The following CDH8 variants were observed in gnomAD, a reference collection of about 807,000 sequenced individuals.
CDH8 encodes cadherin 8.
Under a neutral mutation model 68.1 loss-of-function variants are expected in CDH8, and 17 were observed. The observed-to-expected ratio is 0.25, with a 90% CI of 0.17 to 0.37. CDH8 has a LOEUF of 0.37. CDH8 is among the 10% of genes least tolerant of loss of function. CDH8 has a pLI of 1.00. For missense variants in CDH8, 763 were observed against 999.3 expected, an observed-to-expected ratio of 0.76 and a Z score of 3.19; for synonymous variants, 372 against 365.1, an observed-to-expected ratio of 1.02 and a Z score of -0.21.
chr16:61,751,202 G>A (rs1649084394), intron 8 of CDH8, among the ~76,000 whole-genome samples: 1 of 151,590 alleles, frequency 6.6e-6, no homozygotes, highest in East Asian at 1.9e-4. Context: ...AAATTCATGT[G>A]TGCCTAACTC....
intron 3 of CDH8, among the ~76,000 whole-genome samples, chr16:61,895,752 T>A (rs1288074362): frequency 6.6e-6 from 1 of 152,190 alleles, no homozygotes; most frequent in Non-Finnish European, 1.5e-5. Context: ...ACCCATGTAT[T>A]CGTATTACAC....
At chr16:61,988,542 C>A (rs1345019730) in intron 2 of CDH8, among the ~76,000 whole-genome samples, 1 of 152,116 alleles carries the variant, frequency 6.6e-6, no homozygotes, top group Non-Finnish European at 1.5e-5. Flanking sequence ...CTTCTCAGGG[C>A]CAGTCTCCAT....
At chr16:61,808,200 A>C (rs1961842060) in intron 7 of CDH8, among the ~76,000 whole-genome samples, 1 of 152,184 alleles carries the variant, frequency 6.6e-6, no homozygotes, top group Non-Finnish European at 1.5e-5. Context: ...TTCTTCATCC[A>C]TTTTGGTAGA....
intron 4 of CDH8, among the ~76,000 whole-genome samples, chr16:61,829,935 A>T (rs1346949100): frequency 6.6e-6 from 1 of 151,804 alleles, no homozygotes; most frequent in Non-Finnish European, 1.5e-5. Context: ...ATTGTCCTGG[A>T]TCCTCTTATT....
chr16:61,760,023 AC>A (rs1422504834), intron 8 of CDH8, among the ~76,000 whole-genome samples: 1 of 151,316 alleles, frequency 6.6e-6, no homozygotes, highest in East Asian at 2.0e-4. Context: ...ATACCAACAC[AC>A]CCCCCACCCC....
At position 61,654,031 on chromosome 16, in the gene CDH8, G is replaced by A. The variant is rs748679367; in HGVS notation, c.1977C>T (p.Asp659=). The A allele has an allele frequency of 2.5e-6, 4 of 1,614,000 alleles. No homozygotes were observed. The highest frequency in any genetic ancestry group is 3.3e-5 in the Admixed American group (2 of 60,014). The part of the protein sequence containing the change: ...NEPLIIKDDE[D]VRENIIRYDD... ...CGTAGCGAATGATGTTTTCTCGAAC[G>A]TCTTCATCATCTTTGATAATTAATG... The change falls in exon 12 of 12, where the codon GAC becomes GAT. Residue 659 remains aspartate (D), a synonymous_variant. Coordinates refer to ENST00000577390, the MANE Select transcript of CDH8 (RefSeq NM_001796.5).
At chr16:61,661,001 G>A (rs907566462) in intron 10 of CDH8, among the ~76,000 whole-genome samples, 2 of 151,842 alleles carry the variant, frequency 1.3e-5, no homozygotes, top group African/African-American at 4.8e-5. Flanking sequence ...GAGTATCAGA[G>A]ACAATAAGTA....
chr16:62,033,002 G>C (rs935139483), intron 1 of CDH8, among the ~76,000 whole-genome samples: 1 of 152,182 alleles, frequency 6.6e-6, no homozygotes, highest in Non-Finnish European at 1.5e-5. Flanking sequence ...GCAAAGCCCA[G>C]AGGTACAATT....
chr16:61,734,812 G>T (rs902507958), intron 8 of CDH8, among the ~76,000 whole-genome samples: 3 of 151,254 alleles, frequency 2.0e-5, no homozygotes, highest in Non-Finnish European at 2.9e-5. Flanking sequence ...TTTCTTTTTC[G>T]TAAACTTGTT....
At chr16:61,773,380 T>C (rs939178642) in intron 8 of CDH8, among the ~76,000 whole-genome samples, 13 of 152,084 alleles carry the variant, frequency 8.5e-5, no homozygotes, top group Admixed American at 2.6e-4. Context: ...AAAGGAGCCA[T>C]GTCTTGTTTT....
intron 3 of CDH8, among the ~76,000 whole-genome samples, chr16:61,883,161 T>C (rs549818067): frequency 1.3e-5 from 2 of 152,270 alleles, no homozygotes; most frequent in African/African-American, 4.8e-5. Context: ...TATCCTTGAC[T>C]GGTATATACC....
intron 2 of CDH8, among the ~76,000 whole-genome samples, chr16:61,975,257 AAGAG>A (rs886212850): frequency 6.6e-6 from 1 of 151,974 alleles, no homozygotes; most frequent in African/African-American, 2.4e-5. Context: ...AAAAAACCGA[AAGAG>A]AGAGAGAGAA....
intron 8 of CDH8, among the ~76,000 whole-genome samples, chr16:61,782,864 C>A (rs545174360): frequency 6.6e-6 from 1 of 152,284 alleles, no homozygotes; most frequent in Admixed American, 6.5e-5. Flanking sequence ...TCCAACAGAC[C>A]TGCAGCTGAG....
chr16:61,802,029 AG>A, intron 7 of CDH8, among the ~76,000 whole-genome samples: 1 of 142,264 alleles, frequency 7.0e-6, no homozygotes, highest in Non-Finnish European at 1.5e-5. Context: ...AGACAAACAA[AG>A]AGACAGCAGA....
chr16:61,997,059 GT>G (rs528880963), intron 2 of CDH8, among the ~76,000 whole-genome samples: 1 of 151,862 alleles, frequency 6.6e-6, no homozygotes, highest in Non-Finnish European at 1.5e-5. Context: ...TCTGAGGAGT[GT>G]TTTTTTAAAA....
intron 8 of CDH8, among the ~76,000 whole-genome samples, chr16:61,776,312 A>G (rs547803911): frequency 1.4e-4 from 21 of 152,254 alleles, no homozygotes; most frequent in African/African-American, 5.1e-4. Context: ...GTTAGACCCA[A>G]TGTTTTCACT....
intron 3 of CDH8, among the ~76,000 whole-genome samples, chr16:61,895,932 T>G (rs1376526723): frequency 6.6e-6 from 1 of 152,042 alleles, no homozygotes; most frequent in Non-Finnish European, 1.5e-5. Flanking sequence ...CAAGCTTAGA[T>G]GGTTTATGCC....
intron 8 of CDH8, among the ~76,000 whole-genome samples, chr16:61,766,415 T>C (rs1169235803): frequency 6.6e-6 from 1 of 152,008 alleles, no homozygotes; most frequent in African/African-American, 2.4e-5. Flanking sequence ...GTTGATTCTA[T>C]ATCCTAGCAA....
intron 8 of CDH8, among the ~76,000 whole-genome samples, chr16:61,779,835 C>T (rs376088188): frequency 6.6e-6 from 1 of 152,152 alleles, no homozygotes. Context: ...CTCCTTTGCA[C>T]AGAAAAACCG....
Sources: gnomAD v4.1 joint callset for allele counts (sites outside exome capture counted in the v4.1 genomes callset) on GRCh38, gnomAD v4.1.1 for gene constraint, MANE v1.5 for transcripts, NCBI Gene and HGNC (gene_info 2026-07-23, HGNC 2026-07-21) for gene names.